Variants in C1QTNF3 observed in about 807,000 individuals in gnomAD.
C1QTNF3 encodes C1q and TNF related 3.
C1QTNF3 carries 26 observed loss-of-function variants against 32.6 expected under a neutral mutation model. The observed-to-expected ratio is 0.80, with a 90% CI of 0.58 to 1.11. C1QTNF3 has a LOEUF of 1.11. Among genes scored for constraint, C1QTNF3 ranks in the 50% least tolerant of loss-of-function variants. C1QTNF3 has a pLI of 0.00. For missense variants in C1QTNF3, 362 were observed against 398.2 expected (o/e 0.91, Z 0.77); for synonymous variants, 155 against 146.0 (o/e 1.06, Z -0.44).
the C1QTNF3 span, among the ~76,000 whole-genome samples, chr5:34,140,254 C>T: frequency 2.6e-5 from 4 of 152,242 alleles, no homozygotes; most frequent in South Asian, 6.2e-4. Flanking sequence ...ACCAGTAATT[C>T]GTGAATATTG....
intron 1 of C1QTNF3, 145 bp downstream of exon 1, chr5:34,042,677 GA>G (rs1754900087): frequency 7.7e-6 from 6 of 777,300 alleles, no homozygotes; most frequent in Non-Finnish European, 1.2e-5. Context: ...GAGCAATCCA[GA>G]AAGAGATTCA....
the C1QTNF3 span, among the ~76,000 whole-genome samples, chr5:34,154,133 A>T: frequency 6.6e-6 from 1 of 152,126 alleles, no homozygotes; most frequent in African/African-American, 2.4e-5. Flanking sequence ...GTGAATTATT[A>T]TGGAATTTTT....
chr5:34,048,765 A>G, the C1QTNF3 span, among the ~76,000 whole-genome samples: 1 of 152,008 alleles, frequency 6.6e-6, no homozygotes, highest in Non-Finnish European at 1.5e-5. Flanking sequence ...GGGTTGACAA[A>G]GGAGAAAAGT....
intron 4 of C1QTNF3, among the ~76,000 whole-genome samples, chr5:34,024,869 G>A (rs1754422528): frequency 6.6e-6 from 1 of 152,200 alleles, no homozygotes; most frequent in South Asian, 2.1e-4. Flanking sequence ...TTGGAAAGGT[G>A]AATGAACATA....
At position 34,025,462 on chromosome 5, in the gene C1QTNF3, A is replaced by G. The variant is rs549216840; in HGVS notation, c.701-1454T>C. 2.3e-4 allele frequency among the ~76,000 whole-genome samples: 35 copies of G among 152,352 alleles called. 1 individual carries two copies. The South Asian group carries it at 6.8e-3, about 30-fold the overall frequency. On this transcript the variant is annotated intron_variant, in intron 4 of 5. Coordinates refer to ENST00000382065, the MANE Select transcript of C1QTNF3 (RefSeq NM_181435.6). ...TGGAGTTGGAAATACCGAAGTGAGT[A>G]TGTATTATACCCACATGTGGCTTTC...
At chr5:34,121,036 T>A in the C1QTNF3 span, among the ~76,000 whole-genome samples, 1 of 152,212 alleles carries the variant, frequency 6.6e-6, no homozygotes, top group Non-Finnish European at 1.5e-5. Context: ...CAGGCAGAGA[T>A]CATTAAGAAC....
At chr5:34,237,814 C>A in the C1QTNF3 span, among the ~76,000 whole-genome samples, 1 of 152,026 alleles carries the variant, frequency 6.6e-6, no homozygotes, top group African/African-American at 2.4e-5. Flanking sequence ...CCTAGAACAC[C>A]TAACACAAGA....
chr5:34,184,707 C>A, the C1QTNF3 span, among the ~76,000 whole-genome samples: 1 of 126,866 alleles, frequency 7.9e-6, no homozygotes, highest in South Asian at 2.5e-4. Context: ...CAGAGCGAGA[C>A]TCTGTCTCAA....
chr5:34,094,394 C>A, the C1QTNF3 span, among the ~76,000 whole-genome samples: 22 of 152,038 alleles, frequency 1.4e-4, no homozygotes, highest in African/African-American at 4.8e-4. Context: ...GAAAGATAAA[C>A]TGAATAGAAT....
At chr5:34,141,818 T>A in the C1QTNF3 span, among the ~76,000 whole-genome samples, 2 of 152,048 alleles carry the variant, frequency 1.3e-5, no homozygotes, top group African/African-American at 4.8e-5. Context: ...TTTCTTGCAT[T>A]TGAGTACTTT....
chr5:34,196,013 T>A, the C1QTNF3 span, among the ~76,000 whole-genome samples: 1 of 152,280 alleles, frequency 6.6e-6, no homozygotes, highest in Non-Finnish European at 1.5e-5. Context: ...CTCCCTACCA[T>A]GTGAGGATAC....
chr5:34,073,120 G>A, the C1QTNF3 span, among the ~76,000 whole-genome samples: 6 of 152,274 alleles, frequency 3.9e-5, no homozygotes, highest in South Asian at 2.1e-4. Flanking sequence ...GAAGTCAGGA[G>A]ATCGAGACCA....
chr5:34,171,700 G>T, the C1QTNF3 span, among the ~76,000 whole-genome samples: 2 of 152,000 alleles, frequency 1.3e-5, no homozygotes, highest in East Asian at 1.9e-4. Context: ...AAATGACATT[G>T]GTCAAAACAA....
the C1QTNF3 span, among the ~76,000 whole-genome samples, chr5:34,066,163 C>A: frequency 1.3e-5 from 2 of 152,154 alleles, no homozygotes; most frequent in Admixed American, 1.3e-4. Flanking sequence ...GTGATCTTAT[C>A]GGGAAGCTGC....
the C1QTNF3 span, chr5:34,239,434 G>T: frequency 6.6e-6 from 1 of 152,128 alleles, no homozygotes; most frequent in Admixed American, 6.5e-5. Context: ...CCCAAAATAA[G>T]GGGACGGAGA....
chr5:34,043,110 G>C lies in C1QTNF3; in HGVS notation c.16C>G (p.Leu6Val). The C allele has an allele frequency of 6.2e-7, 1 of 1,612,638 alleles. No individual in the cohort carries two copies. Among genetic ancestry groups the C allele is most frequent in the South Asian group, 1.1e-5 (1 of 91,044 alleles). MLWRQLIYWQLLALFF... is the reference protein window; with the variant it reads MLWRQVIYWQLLALFF... ...AAAGCCAGCAGTTGCCAATAGATGAGCTGCCTCCAAAGCATGATTCTCAAC... is the reference window on the plus strand; with the variant it reads ...AAAGCCAGCAGTTGCCAATAGATGACCTGCCTCCAAAGCATGATTCTCAAC... Residue 6 changes from leucine (L) to valine (V), a missense_variant, in exon 1 of 6, where the codon CTC becomes GTC. Coordinates refer to ENST00000382065, the MANE Select transcript of C1QTNF3 (RefSeq NM_181435.6).
chr5:34,122,983 A>C, the C1QTNF3 span, among the ~76,000 whole-genome samples: 1 of 149,200 alleles, frequency 6.7e-6, no homozygotes, highest in South Asian at 2.2e-4. Flanking sequence ...TGCAGTCTCC[A>C]CTCCCCGCAC....
chr5:34,087,570 CTTTTTTT>C, the C1QTNF3 span, among the ~76,000 whole-genome samples: 20 of 70,030 alleles, frequency 2.9e-4, no homozygotes, highest in South Asian at 2.0e-3. Flanking sequence ...ACGCTTTTGT[CTTTTTTT>C]TTTTTTTTTT....
At chr5:34,123,130 G>A in the C1QTNF3 span, among the ~76,000 whole-genome samples, 36 of 152,326 alleles carry the variant, frequency 2.4e-4, 1 homozygote, top group South Asian at 7.0e-3. Flanking sequence ...TCCAGGCAGA[G>A]AACCCACAGG....
Sources: allele counts gnomAD v4.1 joint callset (sites outside exome capture counted in the v4.1 genomes callset), GRCh38; gene constraint gnomAD v4.1.1; transcripts MANE v1.5; gene names NCBI Gene and HGNC (gene_info 2026-07-23, HGNC 2026-07-21).